The following NDST4 variants were observed in gnomAD, a reference collection of about 807,000 sequenced individuals.
NDST4 encodes N-deacetylase and N-sulfotransferase 4, also known as N-heparan sulfate sulfotransferase 4.
NDST4 carries 63 observed loss-of-function variants against 100.8 expected under a neutral mutation model. That is an observed-to-expected ratio of 0.62 (90% confidence interval 0.51 to 0.77). The LOEUF (loss-of-function observed/expected upper bound fraction) is 0.77, where lower values mean the gene tolerates loss of function less well. NDST4 is among the 30% of genes least tolerant of loss of function. NDST4 has a pLI of 0.00. For missense variants in NDST4, 943 were observed against 1,018.4 expected (o/e 0.93, Z 1.01); for synonymous variants, 377 against 361.8 (o/e 1.04, Z -0.48).
intron 4 of NDST4, among the ~76,000 whole-genome samples, chr4:114,939,736 TA>T (rs1374253111): frequency 4.0e-5 from 6 of 151,220 alleles, no homozygotes; most frequent in African/African-American, 9.7e-5. Context: ...GGAAGGGCAG[TA>T]AAAAAAAGTT....
intron 1 of NDST4, among the ~76,000 whole-genome samples, chr4:115,099,808 G>C (rs757511056): frequency 5.3e-5 from 8 of 152,046 alleles, no homozygotes; most frequent in Non-Finnish European, 1.0e-4. Flanking sequence ...ATGATCCTTG[G>C]TATTTACTCA....
chr4:114,881,937 G>C (rs1480116454), intron 6 of NDST4, among the ~76,000 whole-genome samples: 1 of 150,122 alleles, frequency 6.7e-6, no homozygotes, highest in East Asian at 1.9e-4. Context: ...AGGAAGCATT[G>C]ACAATTATTT....
intron 2 of NDST4, among the ~76,000 whole-genome samples, chr4:115,026,467 G>A (rs1035440557): frequency 2.0e-5 from 3 of 149,606 alleles, no homozygotes; most frequent in African/African-American, 7.4e-5. Context: ...ATACACATAC[G>A]TTGTGATTTC....
chr4:114,988,315 G>C (rs1008709723), intron 2 of NDST4, among the ~76,000 whole-genome samples: 3 of 140,288 alleles, frequency 2.1e-5, no homozygotes, highest in Non-Finnish European at 4.6e-5. Flanking sequence ...CATATGATAC[G>C]TGGTTGAGTA....
intron 6 of NDST4, among the ~76,000 whole-genome samples, chr4:114,931,307 C>A (rs1301175002): frequency 6.6e-6 from 1 of 151,428 alleles, no homozygotes; most frequent in African/African-American, 2.4e-5. Flanking sequence ...AGTCTAAATT[C>A]TTTGTAGTAG....
At chr4:115,080,191 C>T (rs1011597084) in intron 1 of NDST4, among the ~76,000 whole-genome samples, 2 of 152,146 alleles carry the variant, frequency 1.3e-5, no homozygotes, top group Non-Finnish European at 2.9e-5. Context: ...GGCTGTAGTG[C>T]AGTGGCCTGA....
At chr4:115,021,152 C>T (rs1487622623) in intron 2 of NDST4, among the ~76,000 whole-genome samples, 3 of 151,676 alleles carry the variant, frequency 2.0e-5, no homozygotes, top group Admixed American at 6.6e-5. Context: ...AAATGTTGAA[C>T]CAATCTAAAT....
In NDST4 at chr4:115,076,814, T is replaced by C; in HGVS notation, c.223A>G (p.Lys75Glu). The stretch of plus-strand genomic sequence containing the variant: ...AAGAGAAGGACAGTAGGGTCCGTTT[T>C]GGATGTGTCAATAGGTTTAACTGTT... The part of the protein sequence containing the change: ...LKTVKPIDTS[K>E]TDPTVLLFVE... Residue 75 changes from lysine (K) to glutamate (E), a missense_variant, in exon 2 of 14, where the codon AAA becomes GAA. Lys to Glu is a moderately conservative substitution (Grantham distance 56). This residue lies in a region of NDST4 where 417 missense variants were observed against 384.2 expected (regional missense o/e 1.09). Transcript: ENST00000264363. The C allele has an allele frequency of 1.2e-6, 2 of 1,613,976 alleles. No homozygotes were observed. Among genetic ancestry groups the C allele is most frequent in the Non-Finnish European group, 1.7e-6 (2 of 1,179,926 alleles).
chr4:115,081,406 G>A (rs1031840255), intron 1 of NDST4, among the ~76,000 whole-genome samples: 27 of 152,198 alleles, frequency 1.8e-4, no homozygotes, highest in Non-Finnish European at 2.9e-4. Flanking sequence ...ATGGTATTAT[G>A]ACATTGTTTA....
intron 4 of NDST4, among the ~76,000 whole-genome samples, chr4:114,951,323 T>A (rs954925592): frequency 6.6e-6 from 1 of 152,122 alleles, no homozygotes; most frequent in Non-Finnish European, 1.5e-5. Context: ...GTGACCACTT[T>A]CAGTATGGGG....
intron 4 of NDST4, among the ~76,000 whole-genome samples, chr4:114,946,228 A>C (rs1303742415): frequency 6.6e-6 from 1 of 152,154 alleles, no homozygotes; most frequent in African/African-American, 2.4e-5. Flanking sequence ...GACAATCAAC[A>C]TGTCCAACAC....
intron 2 of NDST4, among the ~76,000 whole-genome samples, chr4:115,014,043 G>T (rs1385664501): frequency 1.3e-5 from 2 of 152,070 alleles, no homozygotes; most frequent in Non-Finnish European, 2.9e-5. Context: ...AATTGCAGCT[G>T]CTGTATCAGA....
intron 2 of NDST4, among the ~76,000 whole-genome samples, chr4:115,055,515 C>A (rs1338477714): frequency 6.6e-6 from 1 of 151,942 alleles, no homozygotes; most frequent in Non-Finnish European, 1.5e-5. Context: ...ATGTATAAAT[C>A]ATTTTGTTGT....
chr4:115,064,757 C>T (rs1288339778), intron 2 of NDST4, among the ~76,000 whole-genome samples: 3 of 152,000 alleles, frequency 2.0e-5, no homozygotes, highest in Admixed American at 1.3e-4. Flanking sequence ...GGTTTATCAC[C>T]GAATATTGCA....
chr4:114,834,513 CAA>C (rs869097688), intron 11 of NDST4, among the ~76,000 whole-genome samples: 5,950 of 63,638 alleles, frequency 0.093, 300 homozygotes, highest in African/African-American at 0.26. Flanking sequence ...GACTCCATCT[CAA>C]AAAAAAAAAA....
At chr4:115,109,331 T>A (rs1005731291) in intron 1 of NDST4, among the ~76,000 whole-genome samples, 1 of 151,958 alleles carries the variant, frequency 6.6e-6, no homozygotes, top group African/African-American at 2.4e-5. Context: ...AGGCTAAATA[T>A]TTGAAATAAA....
Position 114,908,187 on chromosome 4 carries a change from G to A in NDST4, c.1536+27019C>T, listed in dbSNP as rs116280197. On this transcript the variant is annotated intron_variant, in intron 6 of 13. Coordinates refer to ENST00000264363, the MANE Select transcript of NDST4 (RefSeq NM_022569.3). ...ATATAAATAAATTCTGACATCAGGG[G>A]AAAATCCCAATGCTATCATACTAAG... Among the ~76,000 whole-genome samples, 671 of 152,168 alleles carry A rather than the reference G, an allele frequency of 4.4e-3. 2 individuals carry two copies. The highest frequency in any genetic ancestry group is 0.015 in the African/African-American group (635 of 41,526).
rs898410634 is a variant in NDST4 at position 114,934,945 on chromosome 4, C to T, written c.1536+261G>A. On this transcript the variant is annotated intron_variant, in intron 6 of 13. Coordinates refer to ENST00000264363, the MANE Select transcript of NDST4 (RefSeq NM_022569.3). Reference sequence around the variant, plus strand: ...AAAAAAATAACAATGGAAAACATTGCTACTTCTTTACTGCTAGAAATAAAC... The same window carrying T: ...AAAAAAATAACAATGGAAAACATTGTTACTTCTTTACTGCTAGAAATAAAC... 6 of 181,362 alleles carry T rather than the reference C, an allele frequency of 3.3e-5. 1 individual carries two copies. In the South Asian group the frequency reaches 1.2e-3, roughly 35 times the overall value. 11.2% of individuals were successfully genotyped at this position (181,362 alleles called of 1,614,324 possible).
At chr4:114,991,160 T>G (rs1727030353) in intron 2 of NDST4, among the ~76,000 whole-genome samples, 1 of 152,076 alleles carries the variant, frequency 6.6e-6, no homozygotes, top group Non-Finnish European at 1.5e-5. Context: ...CCCTGGTTTC[T>G]CAAGACTATA....
Sources: allele counts gnomAD v4.1 joint callset (sites outside exome capture counted in the v4.1 genomes callset), GRCh38; gene constraint gnomAD v4.1.1; regional missense constraint gnomAD v4.1.1; transcripts MANE v1.5; gene names NCBI Gene and HGNC (gene_info 2026-07-23, HGNC 2026-07-21).